Variants in ZC3H13 observed in about 807,000 individuals in gnomAD.
The protein encoded by ZC3H13 is zinc finger CCCH-type containing 13, also known as zinc finger CCCH domain-containing protein 13.
In ZC3H13, 64 loss-of-function variants were observed where a neutral mutation model predicts 204.1. The observed-to-expected ratio is 0.31, with a 90% CI of 0.26 to 0.39. The LOEUF (loss-of-function observed/expected upper bound fraction) is 0.39. Ranked by LOEUF, ZC3H13 falls within the 10% of genes least tolerant of loss-of-function variation. ZC3H13 has a pLI of 1.00. For missense variants in ZC3H13, 1,833 were observed against 2,082.7 expected (o/e 0.88, Z 2.33); for synonymous variants, 667 against 693.7 (o/e 0.96, Z 0.60).
chr13:45,969,231 G>A lies in ZC3H13; in HGVS notation c.3313C>T (p.Pro1105Ser). The stretch of plus-strand genomic sequence containing the variant: ...GTAGCAGTGGCAGTAGCCACAGGCG[G>A]TGGAGGAGGAAGAAGAGAAGATAGA... ...SPLSSLLPPP[P>S]PVATATATTV... is the part of the protein sequence containing the mutation. The change falls in exon 14 of 19, where the codon CCG becomes TCG. Residue 1105 changes from proline to serine, a missense_variant. Transcript: ENST00000679008. 1 of 1,614,112 alleles carries A rather than the reference G, an allele frequency of 6.2e-7. No homozygotes were observed. The highest frequency in any genetic ancestry group is 8.5e-7 in the Non-Finnish European group (1 of 1,179,998).
intron 17 of ZC3H13, chr13:45,962,973 T>G (rs187243134): frequency 1.0e-6 from 1 of 985,448 alleles, no homozygotes; most frequent in Admixed American, 6.1e-5. Flanking sequence ...TAATCTGGAA[T>G]AACTGAAAAT....
At chr13:45,985,811 G>C in intron 9 of ZC3H13, 50 bp from the exon 10 acceptor site, 1 of 1,475,140 alleles carries the variant, frequency 6.8e-7, no homozygotes, top group Non-Finnish European at 9.1e-7. Context: ...CAAAGTTTCA[G>C]GAAACTAGAA....
At chr13:46,034,669 C>T (rs963731529) in intron 4 of ZC3H13, among the ~76,000 whole-genome samples, 33 of 152,164 alleles carry the variant, frequency 2.2e-4, no homozygotes, top group African/African-American at 7.5e-4. Flanking sequence ...GGTAGTTATA[C>T]AGGTGGCACA....
chr13:45,988,842 T>C lies in ZC3H13; in HGVS notation c.1200A>G (p.Arg400=). 6.2e-7 allele frequency: 1 copy of C among 1,614,174 alleles called. No homozygotes were observed. The highest frequency in any genetic ancestry group is 1.1e-5 in the South Asian group (1 of 91,076). Residue 400 remains arginine (R), a synonymous_variant, in exon 9 of 19, where the codon AGA becomes AGG. Transcript: ENST00000679008. ...RHRSPMREKG[R]HDHERTSQSH... ...ACTGTGAAGTTCGTTCATGATCATGTCTCCCTTTCTCTCGCATTGGAGAGC... is the reference window on the plus strand; with the variant it reads ...ACTGTGAAGTTCGTTCATGATCATGCCTCCCTTTCTCTCGCATTGGAGAGC...
intron 8 of ZC3H13, among the ~76,000 whole-genome samples, chr13:45,991,221 C>T (rs2039946682): frequency 6.6e-6 from 1 of 152,078 alleles, no homozygotes; most frequent in Non-Finnish European, 1.5e-5. Context: ...CTACAATAGC[C>T]TTGAGTTATT....
chr13:45,980,852 T>C (rs978860965), intron 10 of ZC3H13, among the ~76,000 whole-genome samples: 1 of 152,132 alleles, frequency 6.6e-6, no homozygotes. Context: ...ACACATATGA[T>C]AAAACTACAA....
At chr13:45,984,514 GT>G (rs1039662966) in intron 10 of ZC3H13, among the ~76,000 whole-genome samples, 4 of 152,146 alleles carry the variant, frequency 2.6e-5, no homozygotes, top group African/African-American at 9.6e-5. Flanking sequence ...AAATCCAACA[GT>G]TTTTTTATGA....
intron 17 of ZC3H13, among the ~76,000 whole-genome samples, chr13:45,961,741 G>A (rs1349579695): frequency 6.6e-6 from 1 of 151,858 alleles, no homozygotes; most frequent in East Asian, 1.9e-4. Context: ...ACAGTAATTG[G>A]ATTGTAATAC....
Position 45,957,349 on chromosome 13 carries a change from G to A in ZC3H13, c.4840-52C>T. 5.1e-6 allele frequency: 7 copies of A among 1,370,980 alleles called. No homozygotes were observed. In the Middle Eastern group the frequency reaches 5.6e-4, roughly 110 times the overall value. 84.9% of individuals were successfully genotyped at this position (1,370,980 alleles called of 1,614,324 possible). A position where few individuals can be genotyped will look rare whatever the true frequency, so the allele number is the denominator to read the frequency against. ...TTAAAAAAGATGTACATTATTAGTA[G>A]GAAAGATGGGCAGGTTAACCTCTAC... is the stretch of plus-strand genomic sequence containing the variant. On this transcript the variant is annotated intron_variant, in intron 18 of 18. Transcript: ENST00000679008.
At chr13:45,971,379 T>C (rs1952570100) in intron 12 of ZC3H13, among the ~76,000 whole-genome samples, 1 of 152,090 alleles carries the variant, frequency 6.6e-6, no homozygotes, top group Non-Finnish European at 1.5e-5. Context: ...TAAAGCCAAA[T>C]GATCTTCAGC....
At chr13:46,021,717 T>C (rs2042230352) in intron 4 of ZC3H13, among the ~76,000 whole-genome samples, 1 of 151,698 alleles carries the variant, frequency 6.6e-6, no homozygotes, top group Non-Finnish European at 1.5e-5. Flanking sequence ...AAACCTGCCA[T>C]GAAAAAAATG....
At chr13:46,016,695 G>A in intron 5 of ZC3H13, among the ~76,000 whole-genome samples, 1 of 152,070 alleles carries the variant, frequency 6.6e-6, no homozygotes, top group South Asian at 2.1e-4. Context: ...CCAATGGGTT[G>A]GACACATGTA....
At chr13:46,031,422 G>C (rs1264516770) in intron 4 of ZC3H13, among the ~76,000 whole-genome samples, 3 of 151,828 alleles carry the variant, frequency 2.0e-5, no homozygotes, top group African/African-American at 7.3e-5. Context: ...TATAATCCAT[G>C]AAAGAAATAA....
intron 7 of ZC3H13, among the ~76,000 whole-genome samples, chr13:46,007,379 C>T (rs1215874032): frequency 6.6e-6 from 1 of 152,108 alleles, no homozygotes; most frequent in African/African-American, 2.4e-5. Context: ...TTGTACATCC[C>T]GTTCTTTGGT....
intron 9 of ZC3H13, among the ~76,000 whole-genome samples, chr13:45,988,570 T>A (rs1185845936): frequency 1.3e-5 from 2 of 152,180 alleles, no homozygotes; most frequent in Non-Finnish European, 2.9e-5. Context: ...ACATCTTAAC[T>A]AAAGAAAGCA....
intron 11 of ZC3H13, chr13:45,976,325 T>C: frequency 2.2e-6 from 2 of 893,846 alleles, no homozygotes; most frequent in Non-Finnish European, 2.7e-6. Flanking sequence ...CCAAAATATA[T>C]ACACATCAAA....
At chr13:46,048,346 GGCGGGCGGAT>G (rs2044131942) in intron 1 of ZC3H13, among the ~76,000 whole-genome samples, 1 of 152,102 alleles carries the variant, frequency 6.6e-6, no homozygotes, top group South Asian at 2.1e-4. Context: ...GGGAGGCCGA[GGCGGGCGGAT>G]CACGAAGTCA....
intron 8 of ZC3H13, among the ~76,000 whole-genome samples, 169 bp from the exon 9 acceptor site, chr13:45,989,266 G>A (rs958736374): frequency 4.6e-5 from 7 of 152,140 alleles, no homozygotes; most frequent in African/African-American, 1.2e-4. Context: ...TTTTAACGAC[G>A]TGACTTAACT....
At chr13:45,973,784 G>T (rs1476724076) in intron 12 of ZC3H13, among the ~76,000 whole-genome samples, 1 of 149,660 alleles carries the variant, frequency 6.7e-6, no homozygotes, top group African/African-American at 2.4e-5. Context: ...AGCGGGTGGG[G>T]AGGGTGGGAA....
Sources: gnomAD v4.1 joint callset for allele counts (sites outside exome capture counted in the v4.1 genomes callset) on GRCh38, gnomAD v4.1.1 for gene constraint, MANE v1.5 for transcripts, NCBI Gene and HGNC (gene_info 2026-07-23, HGNC 2026-07-21) for gene names.